Variants in TRPM8 observed in about 807,000 individuals in gnomAD.
The protein encoded by TRPM8 is transient receptor potential cation channel subfamily M member 8.
In TRPM8, 110 loss-of-function variants were observed where a neutral mutation model predicts 133.7. The observed-to-expected ratio is 0.82, with a 90% CI of 0.70 to 0.96. TRPM8 has a LOEUF of 0.96. Among genes scored for constraint, TRPM8 ranks in the 40% least tolerant of loss-of-function variants. The pLI is 0.00. For synonymous variants in TRPM8, 535 were observed against 532.3 expected (o/e 1.01, Z -0.07); for missense variants, 1,291 against 1,379.5 (o/e 0.94, Z 1.02).
intron 22 of TRPM8, among the ~76,000 whole-genome samples, chr2:234,006,155 G>A (rs1692690158): frequency 6.6e-6 from 1 of 152,180 alleles, no homozygotes; most frequent in African/African-American, 2.4e-5. Context: ...GTGAGCATAT[G>A]TGCTCTCTTG....
chr2:233,990,818 G>T (rs1202618632), intron 21 of TRPM8, among the ~76,000 whole-genome samples: 2 of 152,170 alleles, frequency 1.3e-5, no homozygotes, highest in Non-Finnish European at 2.9e-5. Context: ...CCTGCCTCAG[G>T]TGCAGCCTTA....
intron 21 of TRPM8, among the ~76,000 whole-genome samples, chr2:233,986,203 C>T (rs1692145694): frequency 6.6e-6 from 1 of 152,220 alleles, no homozygotes; most frequent in Non-Finnish European, 1.5e-5. Flanking sequence ...TTTAACTCAT[C>T]TCCAAAGTGC....
chr2:233,964,668 T>C lies in TRPM8; in HGVS notation c.1790T>C (p.Leu597Pro), dbSNP rs1352812075. 6.2e-7 allele frequency: 1 copy of C among 1,611,028 alleles called. No individual in the cohort carries two copies. The highest frequency in any genetic ancestry group is 8.5e-7 in the Non-Finnish European group (1 of 1,178,154). ...CTLAALGASKLLKTLAKVKND... is the reference protein window; with the variant it reads ...CTLAALGASKPLKTLAKVKND... ...CTGGCAGCCCTGGGAGCCAGCAAGC[T>C]TCTGAAGACTCTGGCCAAAGTGAAG... The change falls in exon 14 of 26, where the codon CTT becomes CCT. Residue 597 changes from leucine (L) to proline (P), a missense_variant. Coordinates refer to ENST00000324695, the MANE Select transcript of TRPM8 (RefSeq NM_024080.5).
At chr2:233,940,670 G>A (rs1203245271) in intron 5 of TRPM8, among the ~76,000 whole-genome samples, 1 of 152,050 alleles carries the variant, frequency 6.6e-6, no homozygotes, top group Non-Finnish European at 1.5e-5. Context: ...TTTTAAAAGG[G>A]AACGTTAATG....
intron 20 of TRPM8, 142 bp downstream of exon 20, chr2:233,983,366 C>A: frequency 2.3e-6 from 2 of 872,982 alleles, no homozygotes; most frequent in Non-Finnish European, 3.7e-6. Flanking sequence ...AAACTCACTC[C>A]TCAAAACCTC....
In TRPM8 at chr2:234,017,288, T is replaced by C; in HGVS notation, c.*43-11T>C. The C allele has an allele frequency of 2.1e-6, 1 of 470,762 alleles. No homozygotes were observed. The highest frequency in any genetic ancestry group is 4.4e-6 in the Non-Finnish European group (1 of 227,000). The allele number at this position is 470,762 out of a possible 1,614,324, so 29.2% of individuals were successfully genotyped here. ...TATTCTTAACACAGTGTTCTTTCTT[T>C]GTTTTTACAGATCATATTAAGGAAT... On this transcript the variant is annotated splice_polypyrimidine_tract_variant and intron_variant, in intron 25 of 25. Coordinates refer to ENST00000324695, the MANE Select transcript of TRPM8 (RefSeq NM_024080.5).
Position 233,928,368 on chromosome 2 carries a change from C to T in TRPM8, c.117+1714C>T, listed in dbSNP as rs1191459166. On this transcript the variant is annotated intron_variant, in intron 2 of 25. Coordinates refer to ENST00000324695, the MANE Select transcript of TRPM8 (RefSeq NM_024080.5). ...GACCCCCTCCCAGATGCAGGCATCC[C>T]TATGGGTAGAACTGCTGAGACCATG... Among the ~76,000 whole-genome samples, 3 of 152,128 alleles carry T rather than the reference C, an allele frequency of 2.0e-5. No homozygotes were observed. The East Asian group carries it at 5.8e-4, about 29-fold the overall frequency.
chr2:234,007,626 AC>A (rs1229622403), intron 23 of TRPM8, among the ~76,000 whole-genome samples: 2 of 152,200 alleles, frequency 1.3e-5, no homozygotes, highest in Non-Finnish European at 2.9e-5. Flanking sequence ...AGGGTTCAAA[AC>A]ACACCTCAAG....
intron 22 of TRPM8, among the ~76,000 whole-genome samples, chr2:234,002,651 C>A: frequency 6.6e-6 from 1 of 152,126 alleles, no homozygotes. Flanking sequence ...TGCCTCCCCA[C>A]CTCCACCTGG....
intron 25 of TRPM8, among the ~76,000 whole-genome samples, chr2:234,015,185 CA>C (rs1692929410): frequency 6.6e-6 from 1 of 152,238 alleles, no homozygotes; most frequent in South Asian, 2.1e-4. Context: ...AATAAAAATG[CA>C]ATTCAATTAA....
At chr2:233,930,805 C>T in intron 3 of TRPM8, 64 bp downstream of exon 3, 2 of 1,105,310 alleles carry the variant, frequency 1.8e-6, no homozygotes, top group Non-Finnish European at 2.7e-6. Context: ...GCCACCCTTA[C>T]AACAAACAAA....
In TRPM8 at chr2:233,939,108, G is replaced by T. The variant is rs981257589; in HGVS notation, c.459G>T (p.Lys153Asn). Residue 153 changes from lysine to asparagine, a missense_variant, in exon 5 of 26, where the codon AAG (lysine) becomes AAT (asparagine). This residue lies in a region of TRPM8 where 963 missense variants were observed against 968.9 expected (regional missense o/e 0.99). Coordinates refer to ENST00000324695, the MANE Select transcript of TRPM8 (RefSeq NM_024080.5). Reference protein sequence around the residue: ...NLVISVTGGAKNFALKPRMRK... With the variant: ...NLVISVTGGANNFALKPRMRK... ...TCATTTCTGTGACCGGGGGCGCCAA[G>T]AACTTCGCCCTGAAGCCGCGCATGC... 8 of 1,614,080 alleles carry T rather than the reference G, an allele frequency of 5.0e-6. No individual in the cohort carries two copies. The African/African-American group carries it at 8.0e-5, about 16-fold the overall frequency.
chr2:233,970,556 G>T, intron 17 of TRPM8, 130 bp downstream of exon 17: 1 of 863,520 alleles, frequency 1.2e-6, no homozygotes, highest in Non-Finnish European at 1.9e-6. Context: ...GTTCTCTTTG[G>T]GTGCTAGTCC....
chr2:233,920,561 A>G (rs1269557057), intron 1 of TRPM8, among the ~76,000 whole-genome samples: 1 of 152,210 alleles, frequency 6.6e-6, no homozygotes, highest in Non-Finnish European at 1.5e-5. Flanking sequence ...ACTTGCATTC[A>G]GGACATTCTA....
intron 12 of TRPM8, 78 bp from the exon 13 acceptor site, chr2:233,963,204 T>C (rs1691481598): frequency 1.2e-6 from 1 of 861,620 alleles, no homozygotes; most frequent in Non-Finnish European, 1.9e-6. Context: ...CCTCCAAACA[T>C]GGGCTACTCT....
chr2:234,011,399 T>C (rs1274655930), intron 24 of TRPM8, among the ~76,000 whole-genome samples: 4 of 152,318 alleles, frequency 2.6e-5, no homozygotes, highest in African/African-American at 9.6e-5. Flanking sequence ...AGTGTGATGC[T>C]TCCAGCTTAG....
At chr2:233,948,750 G>A (rs1178595692) in intron 8 of TRPM8, among the ~76,000 whole-genome samples, 3 of 152,156 alleles carry the variant, frequency 2.0e-5, no homozygotes. Flanking sequence ...TACCCAGCCA[G>A]GGCCGGGCAC....
chr2:233,920,532 C>G (rs1463108636), intron 1 of TRPM8, among the ~76,000 whole-genome samples: 2 of 152,190 alleles, frequency 1.3e-5, no homozygotes, highest in Non-Finnish European at 2.9e-5. Flanking sequence ...TTGAATTTTA[C>G]TTTCATGGCA....
In TRPM8 at chr2:233,947,080, T is replaced by C; in HGVS notation, c.875-8T>C. The C allele has an allele frequency of 6.2e-7, 1 of 1,613,810 alleles. No individual in the cohort carries two copies. Among genetic ancestry groups the C allele is most frequent in the Non-Finnish European group, 8.5e-7 (1 of 1,179,758 alleles). On this transcript the variant is annotated splice_polypyrimidine_tract_variant and splice_region_variant and intron_variant, in intron 7 of 25. Transcript: ENST00000324695. ...CTCAAAATATGCTTTACTTTTTATA[T>C]TTTACAGATTCCAACTATGGTGGCA...
Sources: allele counts gnomAD v4.1 joint callset (sites outside exome capture counted in the v4.1 genomes callset), GRCh38; gene constraint gnomAD v4.1.1; regional missense constraint gnomAD v4.1.1; transcripts MANE v1.5; gene names NCBI Gene and HGNC (gene_info 2026-07-23, HGNC 2026-07-21).